Variants in DYM observed in about 807,000 individuals in gnomAD.
The protein encoded by DYM is dyggve-Melchior-Clausen syndrome protein.
In DYM, 78 loss-of-function variants were observed where a neutral mutation model predicts 93.1. That is an observed-to-expected ratio of 0.84 (90% CI 0.70 to 1.01). DYM has a LOEUF of 1.01. Among genes scored for constraint, DYM ranks in the 50% least tolerant of loss-of-function variants. The probability of loss-of-function intolerance (pLI) is 0.00; values close to 1 mark genes in which losing one functional copy is unlikely to be tolerated. For missense variants in DYM, 789 were observed against 845.0 expected, an observed-to-expected ratio of 0.93 and a Z score of 0.82; for synonymous variants, 321 against 319.7, an observed-to-expected ratio of 1.00 and a Z score of -0.04.
chr18:49,383,113 GAAGA>G (rs2068216029), intron 3 of DYM, among the ~76,000 whole-genome samples: 1 of 152,032 alleles, frequency 6.6e-6, no homozygotes, highest in Admixed American at 6.6e-5. Context: ...AGAGGGAAAA[GAAGA>G]AAAAGACAGA....
chr18:49,427,105 C>A (rs2074369323), intron 2 of DYM, among the ~76,000 whole-genome samples: 1 of 152,100 alleles, frequency 6.6e-6, no homozygotes, highest in African/African-American at 2.4e-5. Context: ...CTAAAATACA[C>A]TCAAAACTCT....
Position 49,229,314 on chromosome 18 carries a change from T to C in DYM, c.1461-19599A>G, listed in dbSNP as rs1475916314. 2.0e-5 allele frequency among the ~76,000 whole-genome samples: 3 copies of C among 152,004 alleles called. No individual in the cohort carries two copies. In the East Asian group the frequency reaches 5.8e-4, roughly 29 times the overall value. On this transcript the variant is annotated intron_variant, in intron 13 of 17. Transcript: ENST00000675505. ...AATGGGAATTATAGATTATTTGAAA[T>C]GTTGAGAAAAAACAAGCCACAGCCT...
At chr18:49,432,449 G>T (rs2080422649) in intron 1 of DYM, among the ~76,000 whole-genome samples, 1 of 149,170 alleles carries the variant, frequency 6.7e-6, no homozygotes, top group Non-Finnish European at 1.5e-5. Flanking sequence ...GAAAATGAAT[G>T]AAACAGAGCT....
chr18:49,143,386 T>G (rs1411853683), intron 15 of DYM, among the ~76,000 whole-genome samples: 1 of 152,172 alleles, frequency 6.6e-6, no homozygotes, highest in Non-Finnish European at 1.5e-5. Context: ...GGGCATATCT[T>G]CCTATCTTTC....
At chr18:49,303,310 A>C (rs1386659237) in intron 8 of DYM, among the ~76,000 whole-genome samples, 1 of 152,224 alleles carries the variant, frequency 6.6e-6, no homozygotes, top group Non-Finnish European at 1.5e-5. Flanking sequence ...AATTCCTCAA[A>C]GAATAAATTG....
chr18:49,414,331 G>A (rs1012267131), intron 2 of DYM, among the ~76,000 whole-genome samples: 3 of 151,744 alleles, frequency 2.0e-5, no homozygotes, highest in East Asian at 1.9e-4. Context: ...AGGACCAGAC[G>A]AAAAAACAAT....
At chr18:49,073,743 G>C (rs2077081322) in intron 17 of DYM, among the ~76,000 whole-genome samples, 1 of 152,132 alleles carries the variant, frequency 6.6e-6, no homozygotes, top group Admixed American at 6.5e-5. Flanking sequence ...AACAAGGAAT[G>C]GGGGAATGCC....
chr18:49,291,548 C>T (rs561741268), intron 8 of DYM, among the ~76,000 whole-genome samples: 11 of 152,210 alleles, frequency 7.2e-5, no homozygotes, highest in Middle Eastern at 6.8e-3. Flanking sequence ...TACTGGGAAC[C>T]TCAAACTGCA....
chr18:49,044,328 G>A (rs1294200567), intron 17 of DYM, 124 bp from the exon 18 acceptor site: 3 of 997,662 alleles, frequency 3.0e-6, no homozygotes, highest in Non-Finnish European at 4.7e-6. Flanking sequence ...TGGTCACAGG[G>A]CATGAAAGCT....
At chr18:49,178,108 A>G (rs2089575616) in intron 14 of DYM, among the ~76,000 whole-genome samples, 1 of 152,172 alleles carries the variant, frequency 6.6e-6, no homozygotes, top group Non-Finnish European at 1.5e-5. Flanking sequence ...CAATGCCTAT[A>G]GGAAAGCCAT....
chr18:49,427,776 T>C (rs919212123), intron 2 of DYM, among the ~76,000 whole-genome samples: 4 of 152,130 alleles, frequency 2.6e-5, no homozygotes, highest in Non-Finnish European at 4.4e-5. Flanking sequence ...CAATGGAGTA[T>C]CACTCAGCAA....
At chr18:49,440,386 G>GATATATAATATAGCATATTATATATC (rs2081243891) in intron 1 of DYM, among the ~76,000 whole-genome samples, 1 of 122,918 alleles carries the variant, frequency 8.1e-6, no homozygotes, top group Non-Finnish European at 1.6e-5. Flanking sequence ...TATTATATAT[G>GATATATAATATAGCATATTATATATC]ATATATAATA....
At chr18:49,344,180 A>C (rs997829529) in intron 6 of DYM, among the ~76,000 whole-genome samples, 1 of 152,182 alleles carries the variant, frequency 6.6e-6, no homozygotes, top group African/African-American at 2.4e-5. Context: ...TGGGGAAAAA[A>C]TGATGTAAAC....
intron 16 of DYM, among the ~76,000 whole-genome samples, chr18:49,106,784 C>T (rs1050953043): frequency 6.6e-6 from 1 of 152,252 alleles, no homozygotes; most frequent in African/African-American, 2.4e-5. Context: ...AGCTGTTAGT[C>T]TGATGGGCTT....
chr18:49,201,473 C>T (rs1393336310), intron 14 of DYM, among the ~76,000 whole-genome samples: 1 of 152,164 alleles, frequency 6.6e-6, no homozygotes, highest in Non-Finnish European at 1.5e-5. Flanking sequence ...CATGCTTCGA[C>T]CACATCAGTC....
intron 6 of DYM, among the ~76,000 whole-genome samples, chr18:49,337,605 A>C (rs1176930194): frequency 6.6e-6 from 1 of 152,216 alleles, no homozygotes; most frequent in Non-Finnish European, 1.5e-5. Context: ...GAGATTGAGA[A>C]CATCACAGCA....
chr18:49,433,914 G>C (rs1321962806), intron 1 of DYM, among the ~76,000 whole-genome samples: 1 of 151,982 alleles, frequency 6.6e-6, no homozygotes, highest in Non-Finnish European at 1.5e-5. Flanking sequence ...ACAGCTTATA[G>C]ATTTTTAAAT....
chr18:49,455,530 T>A (rs552290238), intron 1 of DYM, among the ~76,000 whole-genome samples: 4 of 152,350 alleles, frequency 2.6e-5, no homozygotes, highest in Non-Finnish European at 4.4e-5. Flanking sequence ...AGTCCCATTA[T>A]ACAGATAAGA....
intron 8 of DYM, among the ~76,000 whole-genome samples, chr18:49,290,105 A>C (rs1438708443): frequency 6.6e-6 from 1 of 151,768 alleles, no homozygotes; most frequent in Non-Finnish European, 1.5e-5. Context: ...TTGAATAGGC[A>C]CACAAAAGAG....
Sources: gnomAD v4.1 joint callset for allele counts (sites outside exome capture counted in the v4.1 genomes callset) on GRCh38, gnomAD v4.1.1 for gene constraint, MANE v1.5 for transcripts, NCBI Gene and HGNC (gene_info 2026-07-23, HGNC 2026-07-21) for gene names.